Variants in MGAT4C observed in about 807,000 individuals in gnomAD.
MGAT4C encodes the protein MGAT4 family member C, also known as alpha-1,3-mannosyl-glycoprotein 4-beta-N-acetylglucosaminyltransferase C.
Under a neutral mutation model 40.1 loss-of-function variants are expected in MGAT4C, and 19 were observed. The observed-to-expected ratio is 0.47, with a 90% CI of 0.33 to 0.70. The LOEUF is 0.70. Among genes scored for constraint, MGAT4C ranks in the 30% least tolerant of loss-of-function variants. The pLI is 0.02. For synonymous variants in MGAT4C, 181 were observed against 187.1 expected (o/e 0.97, Z 0.27); for missense variants, 491 against 563.2 (o/e 0.87, Z 1.30).
At position 86,299,024 on chromosome 12, in the gene MGAT4C, G is replaced by T. The variant is rs544049515; in HGVS notation, c.-57+35041C>A. Among the ~76,000 whole-genome samples, 29 of 152,086 alleles carry T rather than the reference G, an allele frequency of 1.9e-4. No individual in the cohort carries two copies. In the East Asian group the frequency reaches 4.8e-3, roughly 25 times the overall value. On this transcript the variant is annotated intron_variant, in intron 4 of 7. Coordinates refer to the MGAT4C transcript ENST00000548651. ...ATGTTACAACTCCCTGTAAGGGTTG[G>T]GAATAAATATGCTCTTTGCTTTTCT...
At chr12:86,765,758 G>T (rs1442692788) in intron 1 of MGAT4C, among the ~76,000 whole-genome samples, 4 of 152,106 alleles carry the variant, frequency 2.6e-5, no homozygotes, top group African/African-American at 4.8e-5. Context: ...TTCATATCCA[G>T]CCAAACTAAG....
At chr12:86,450,385 T>A (rs1860356028) in intron 2 of MGAT4C, among the ~76,000 whole-genome samples, 1 of 152,276 alleles carries the variant, frequency 6.6e-6, no homozygotes, top group Admixed American at 6.5e-5. Flanking sequence ...GTATTCTAAA[T>A]CATTTTTTCT....
intron 1 of MGAT4C, among the ~76,000 whole-genome samples, chr12:86,798,998 TTGCCTTCTAGCATCTG>T (rs1176582288): frequency 1.3e-5 from 2 of 151,880 alleles, no homozygotes; most frequent in Non-Finnish European, 2.9e-5. Flanking sequence ...ATAATTTAAT[TTGCCTTCTAGCATCTG>T]GCCACCAGTT....
At chr12:86,753,478 G>A (rs1951255896) in intron 1 of MGAT4C, among the ~76,000 whole-genome samples, 1 of 151,984 alleles carries the variant, frequency 6.6e-6, no homozygotes, top group African/African-American at 2.4e-5. Context: ...CAGCTCTGAA[G>A]GCTGTAAGAC....
At chr12:86,129,580 G>T in intron 1 of MGAT4C, among the ~76,000 whole-genome samples, 2 of 2,662 alleles carry the variant, frequency 7.5e-4, no homozygotes, top group Non-Finnish European at 9.4e-4. Flanking sequence ...TTTTTTTTGA[G>T]ACGGAGTCTC....
intron 4 of MGAT4C, among the ~76,000 whole-genome samples, chr12:86,298,689 A>G (rs1324481764): frequency 1.3e-5 from 2 of 152,174 alleles, no homozygotes; most frequent in African/African-American, 4.8e-5. Flanking sequence ...TTCTTATATT[A>G]AGTTGGAAAA....
intron 2 of MGAT4C, among the ~76,000 whole-genome samples, chr12:86,030,811 C>T (rs955676587): frequency 6.6e-6 from 1 of 151,632 alleles, no homozygotes; most frequent in Non-Finnish European, 1.5e-5. Context: ...CAACTTTATG[C>T]AGAAGAAAAA....
At chr12:86,140,844 G>C (rs554484346) in intron 1 of MGAT4C, among the ~76,000 whole-genome samples, 42 of 152,210 alleles carry the variant, frequency 2.8e-4, no homozygotes, top group Admixed American at 1.2e-3. Context: ...ACACAGTATA[G>C]TTTATATTAA....
chr12:86,119,670 A>G (rs1879045951), intron 1 of MGAT4C, among the ~76,000 whole-genome samples: 1 of 151,350 alleles, frequency 6.6e-6, no homozygotes, highest in South Asian at 2.1e-4. Context: ...CGGCCTCCCA[A>G]AGTGCTGGAA....
At chr12:86,602,331 C>T (rs1300301717) in intron 2 of MGAT4C, among the ~76,000 whole-genome samples, 1 of 152,150 alleles carries the variant, frequency 6.6e-6, no homozygotes, top group Non-Finnish European at 1.5e-5. Flanking sequence ...GATCCTGTGA[C>T]AATAAGGTGG....
At chr12:86,191,605 A>G (rs913219177) in intron 1 of MGAT4C, among the ~76,000 whole-genome samples, 3 of 144,504 alleles carry the variant, frequency 2.1e-5, no homozygotes, top group Non-Finnish European at 1.5e-5. Context: ...GAAAGTTTCT[A>G]TATCTATCCT....
intron 1 of MGAT4C, among the ~76,000 whole-genome samples, chr12:86,223,322 G>A (rs1950952926): frequency 2.0e-5 from 3 of 152,162 alleles, no homozygotes; most frequent in African/African-American, 7.2e-5. Context: ...GCTCCATTCT[G>A]AGCCCAGTTT....
intron 2 of MGAT4C, among the ~76,000 whole-genome samples, chr12:86,476,516 T>C (rs761087453): frequency 1.3e-5 from 2 of 152,156 alleles, no homozygotes; most frequent in Non-Finnish European, 2.9e-5. Flanking sequence ...GAAGGCAGTT[T>C]GGAGATTTCT....
At chr12:86,609,523 A>C (rs1173286465) in intron 2 of MGAT4C, among the ~76,000 whole-genome samples, 2 of 152,132 alleles carry the variant, frequency 1.3e-5, no homozygotes, top group East Asian at 3.9e-4. Flanking sequence ...TAAGAAACAG[A>C]TATTGTCCTG....
chr12:86,674,602 CA>C (rs2136568723), intron 2 of MGAT4C, among the ~76,000 whole-genome samples: 1 of 152,146 alleles, frequency 6.6e-6, no homozygotes, highest in African/African-American at 2.4e-5. Flanking sequence ...GAGGCTGAGG[CA>C]GGAGAAACTC....
Position 85,968,163 on chromosome 12 carries a change from T to G in MGAT4C, c.*11126A>C, listed in dbSNP as rs1394082342. On this transcript the variant is annotated 3_prime_UTR_variant, in exon 5 of 5. Coordinates refer to ENST00000611864, the MANE Select transcript of MGAT4C (RefSeq NM_001351288.2). Reference sequence around the variant, plus strand: ...TACATGCTGACATTTGAAGGATTTATGAAAAAAAGTCCACTGTGGAAAACT... The same window carrying G: ...TACATGCTGACATTTGAAGGATTTAGGAAAAAAAGTCCACTGTGGAAAACT... The G allele has an allele frequency of 1.3e-5, 2 of 152,038 alleles. No homozygotes were observed. Among genetic ancestry groups the G allele is most frequent in the Non-Finnish European group, 1.5e-5 (1 of 67,940 alleles). 9.4% of individuals were successfully genotyped at this position (152,038 alleles called of 1,614,324 possible). A position where few individuals can be genotyped will look rare whatever the true frequency, so the allele number is the denominator to read the frequency against.
intron 1 of MGAT4C, among the ~76,000 whole-genome samples, chr12:86,185,234 T>C (rs1239083369): frequency 1.3e-5 from 2 of 152,188 alleles, no homozygotes; most frequent in Non-Finnish European, 2.9e-5. Flanking sequence ...TTGTCTTTAC[T>C]CTGTGTAGGT....
chr12:86,202,020 A>G (rs904891590), intron 1 of MGAT4C, among the ~76,000 whole-genome samples: 1 of 151,744 alleles, frequency 6.6e-6, no homozygotes, highest in Non-Finnish European at 1.5e-5. Flanking sequence ...AAAAAAAGTT[A>G]TTACATTTAT....
intron 2 of MGAT4C, among the ~76,000 whole-genome samples, chr12:86,015,398 A>C (rs945329029): frequency 1.3e-5 from 2 of 152,102 alleles, no homozygotes; most frequent in African/African-American, 4.8e-5. Flanking sequence ...TGGGCTTTGA[A>C]GAGGAACTGG....
Sources: allele counts gnomAD v4.1 joint callset (sites outside exome capture counted in the v4.1 genomes callset), GRCh38; gene constraint gnomAD v4.1.1; transcripts MANE v1.5; gene names NCBI Gene and HGNC (gene_info 2026-07-23, HGNC 2026-07-21).